The following DPYS variants were observed in gnomAD, a reference collection of about 807,000 sequenced individuals.
DPYS encodes the protein dihydropyrimidinase.
Under a neutral mutation model 50.3 loss-of-function variants are expected in DPYS, and 39 were observed. The ratio of observed to expected loss-of-function variants is 0.78; its 90% CI spans 0.60 to 1.01. The LOEUF (loss-of-function observed/expected upper bound fraction) is 1.01, where lower values mean the gene tolerates loss of function less well. DPYS is among the 50% of genes least tolerant of loss of function. The pLI is 0.00. For missense variants in DPYS, 659 were observed against 680.9 expected, an observed-to-expected ratio of 0.97 and a Z score of 0.36; for synonymous variants, 245 against 250.7, an observed-to-expected ratio of 0.98 and a Z score of 0.22.
At chr8:104,452,348 G>C (rs567087031) in intron 1 of DPYS, among the ~76,000 whole-genome samples, 1 of 152,288 alleles carries the variant, frequency 6.6e-6, no homozygotes, top group African/African-American at 2.4e-5. Flanking sequence ...AGAGACAGGA[G>C]GGATGTTGCA....
chr8:104,426,983 C>A (rs1262150082), intron 6 of DPYS, among the ~76,000 whole-genome samples: 2 of 152,034 alleles, frequency 1.3e-5, no homozygotes, highest in African/African-American at 2.4e-5. Context: ...GGTGGATCAC[C>A]TGAGGTCAGG....
At position 104,386,691 on chromosome 8, in the gene DPYS, G is replaced by A. The variant is rs1197490698; in HGVS notation, c.1444-5377C>T. On this transcript the variant is annotated intron_variant, in intron 8 of 9. Transcript: ENST00000351513. ...TGCTCAGGCTAGAGTACAGTGGTAC[G>A]ATCTCAGCTCACTGCAACCTCCGCC... 3.3e-5 allele frequency among the ~76,000 whole-genome samples: 5 copies of A among 150,840 alleles called. No homozygotes were observed. The East Asian group carries it at 9.8e-4, about 30-fold the overall frequency.
At chr8:104,409,475 A>T (rs190219369) in intron 7 of DPYS, among the ~76,000 whole-genome samples, 1 of 152,140 alleles carries the variant, frequency 6.6e-6, no homozygotes, top group Admixed American at 6.5e-5. Flanking sequence ...ACAGAGAAAT[A>T]AATTAATTAA....
intron 4 of DPYS, among the ~76,000 whole-genome samples, chr8:104,433,639 A>C (rs1813027813): frequency 6.6e-6 from 1 of 152,182 alleles, no homozygotes; most frequent in Non-Finnish European, 1.5e-5. Context: ...TTTTCCAAAA[A>C]AAAGAGAAGA....
At chr8:104,423,968 G>A (rs1025125682) in intron 7 of DPYS, 42 of 984,492 alleles carry the variant, frequency 4.3e-5, no homozygotes, top group Admixed American at 1.2e-4. Context: ...ATGTGAACTC[G>A]GGCATTTGCC....
chr8:104,393,971 G>T (rs557010178), intron 7 of DPYS, among the ~76,000 whole-genome samples: 29 of 152,008 alleles, frequency 1.9e-4, no homozygotes, highest in African/African-American at 7.0e-4. Context: ...ACCCTTTCCC[G>T]CTGAGTCCCC....
At chr8:104,380,240 T>C (rs977260574) in intron 9 of DPYS, among the ~76,000 whole-genome samples, 2 of 152,162 alleles carry the variant, frequency 1.3e-5, no homozygotes, top group Non-Finnish European at 2.9e-5. Flanking sequence ...GTTGTCAAAA[T>C]GTGAAAAGGT....
chr8:104,401,009 G>A (rs1811782175), intron 7 of DPYS, among the ~76,000 whole-genome samples: 1 of 152,192 alleles, frequency 6.6e-6, no homozygotes, highest in South Asian at 2.1e-4. Flanking sequence ...GCATTGTGGA[G>A]AGGAAGAGAA....
intron 2 of DPYS, among the ~76,000 whole-genome samples, chr8:104,449,349 C>T (rs1184050706): frequency 2.0e-5 from 3 of 152,220 alleles, no homozygotes; most frequent in Admixed American, 2.0e-4. Flanking sequence ...CCTCATTAAT[C>T]ATCCCTGCCA....
intron 1 of DPYS, among the ~76,000 whole-genome samples, chr8:104,461,384 G>T (rs1361426189): frequency 1.3e-5 from 2 of 152,098 alleles, no homozygotes; most frequent in African/African-American, 4.8e-5. Flanking sequence ...AAATGGGAAT[G>T]ATAATGGGCA....
intron 7 of DPYS, among the ~76,000 whole-genome samples, chr8:104,423,407 G>A (rs1342803550): frequency 6.6e-6 from 1 of 152,116 alleles, no homozygotes; most frequent in Non-Finnish European, 1.5e-5. Flanking sequence ...TTTCCCAAAG[G>A]TAACCCAGGA....
chr8:104,401,783 G>A (rs901170323), intron 7 of DPYS, among the ~76,000 whole-genome samples: 2 of 152,124 alleles, frequency 1.3e-5, no homozygotes, highest in African/African-American at 4.8e-5. Flanking sequence ...TATAAATGGG[G>A]AGCAAAGCAG....
chr8:104,446,218 C>T (rs1813525287), intron 3 of DPYS, among the ~76,000 whole-genome samples: 1 of 151,768 alleles, frequency 6.6e-6, no homozygotes. Context: ...ATCTCATGCA[C>T]CTCATAAATA....
chr8:104,381,395 G>A (rs996667669), intron 8 of DPYS, 81 bp from the exon 9 acceptor site: 41 of 1,261,858 alleles, frequency 3.2e-5, no homozygotes, highest in African/African-American at 1.5e-4. Flanking sequence ...TATGAATTGC[G>A]AGAGCTTTAA....
chr8:104,451,233 C>A lies in DPYS; in HGVS notation c.423+13G>T. On this transcript the variant is annotated intron_variant, in intron 2 of 9. Coordinates refer to ENST00000351513, the MANE Select transcript of DPYS (RefSeq NM_001385.3). ...GAGGACAATGGGAACACATTGAAATCCAGGTGCTTTACCTGGTCACTCCAC... is the reference window on the plus strand; with the variant it reads ...GAGGACAATGGGAACACATTGAAATACAGGTGCTTTACCTGGTCACTCCAC... 6.2e-7 allele frequency: 1 copy of A among 1,613,534 alleles called. No homozygotes were observed. The highest frequency in any genetic ancestry group is 8.5e-7 in the Non-Finnish European group (1 of 1,179,970).
intron 4 of DPYS, among the ~76,000 whole-genome samples, chr8:104,442,647 C>T (rs1455369497): frequency 1.3e-5 from 2 of 152,104 alleles, no homozygotes; most frequent in African/African-American, 4.8e-5. Flanking sequence ...TGAAATAAGC[C>T]TACACTTAAG....
rs186725825 is a variant in DPYS at position 104,443,825 on chromosome 8, G to A, written c.793+423C>T. Among the ~76,000 whole-genome samples, 65 of 152,232 alleles carry A rather than the reference G, an allele frequency of 4.3e-4. 1 individual carries two copies. Among genetic ancestry groups the A allele is most frequent in the East Asian group, 4.3e-3 (22 of 5,164 alleles). On this transcript the variant is annotated intron_variant, in intron 4 of 9. Transcript: ENST00000351513. ...GGAGAATCACTTGAACCCAGAAGGC[G>A]GAGGTTGCAGTGAGCTGAGATCACA...
intron 2 of DPYS, among the ~76,000 whole-genome samples, chr8:104,450,590 T>G (rs574126986): frequency 3.9e-5 from 6 of 152,242 alleles, no homozygotes; most frequent in Non-Finnish European, 7.3e-5. Flanking sequence ...CTTTTCTATC[T>G]AAATCATGTT....
chr8:104,425,246 G>A (rs1037053479), intron 6 of DPYS, among the ~76,000 whole-genome samples: 3 of 148,726 alleles, frequency 2.0e-5, no homozygotes, highest in Non-Finnish European at 3.0e-5. Flanking sequence ...TTTTTGTTTC[G>A]AGATATGGTC....
Sources: gnomAD v4.1 joint callset for allele counts (sites outside exome capture counted in the v4.1 genomes callset) on GRCh38, gnomAD v4.1.1 for gene constraint, MANE v1.5 for transcripts, NCBI Gene and HGNC (gene_info 2026-07-23, HGNC 2026-07-21) for gene names.